RBMS3: variants seen among roughly 807,000 people sequenced by gnomAD.
RBMS3 encodes the protein RNA binding motif single stranded interacting protein 3.
A neutral mutation model predicts 66.8 loss-of-function variants in RBMS3; 27 were observed. That is an observed-to-expected ratio of 0.40 (90% CI 0.30 to 0.56). The LOEUF is 0.56. Ranked by LOEUF, RBMS3 falls within the 20% of genes least tolerant of loss-of-function variation. RBMS3 has a pLI of 0.40. For missense variants in RBMS3, 513 were observed against 549.5 expected (o/e 0.93, Z 0.66); for synonymous variants, 188 against 183.0 (o/e 1.03, Z -0.22).
At chr3:29,398,616 C>G (rs2039661169) in intron 1 of RBMS3, among the ~76,000 whole-genome samples, 1 of 152,170 alleles carries the variant, frequency 6.6e-6, no homozygotes, top group African/African-American at 2.4e-5. Flanking sequence ...AGAGTTCCAG[C>G]TAGAACACGT....
At chr3:29,519,319 T>G (rs911188264) in intron 3 of RBMS3, among the ~76,000 whole-genome samples, 1 of 152,076 alleles carries the variant, frequency 6.6e-6, no homozygotes, top group African/African-American at 2.4e-5. Context: ...ATTGAGGGAA[T>G]TCAAGAAGGG....
chr3:29,618,898 G>A (rs1486376197), intron 4 of RBMS3, among the ~76,000 whole-genome samples: 1 of 152,120 alleles, frequency 6.6e-6, no homozygotes, highest in East Asian at 1.9e-4. Context: ...ACTTAGAGAA[G>A]CATCTGCTGG....
chr3:29,819,913 G>A (rs1251498872), intron 6 of RBMS3, among the ~76,000 whole-genome samples: 1 of 152,046 alleles, frequency 6.6e-6, no homozygotes, highest in African/African-American at 2.4e-5. Flanking sequence ...CATTAAGTGA[G>A]GCCAGGTGCA....
intron 12 of RBMS3, among the ~76,000 whole-genome samples, chr3:29,953,245 A>C (rs1695800091): frequency 6.6e-6 from 1 of 151,908 alleles, no homozygotes; most frequent in African/African-American, 2.4e-5. Flanking sequence ...GTAGTTGGGA[A>C]GAAGAAAGAA....
intron 12 of RBMS3, among the ~76,000 whole-genome samples, chr3:29,951,769 T>C (rs1695695992): frequency 6.6e-6 from 1 of 151,614 alleles, no homozygotes; most frequent in South Asian, 2.1e-4. Flanking sequence ...TATATTATCT[T>C]TCTTATTGGC....
intron 4 of RBMS3, among the ~76,000 whole-genome samples, chr3:29,609,380 G>T (rs148883073): frequency 6.6e-6 from 1 of 151,882 alleles, no homozygotes; most frequent in Non-Finnish European, 1.5e-5. Context: ...GGTCCTGGGT[G>T]CCCTCTTATC....
At chr3:29,283,009 T>A (rs2031946963) in intron 1 of RBMS3, among the ~76,000 whole-genome samples, 1 of 152,152 alleles carries the variant, frequency 6.6e-6, no homozygotes, top group Non-Finnish European at 1.5e-5. Flanking sequence ...TGTGAGCATT[T>A]AGTTTGTGCT....
At chr3:29,932,246 GT>G in intron 10 of RBMS3, among the ~76,000 whole-genome samples, 1 of 152,204 alleles carries the variant, frequency 6.6e-6, no homozygotes, top group Non-Finnish European at 1.5e-5. Flanking sequence ...CCCTTTGAAT[GT>G]TTTTAACAAG....
At chr3:29,410,345 C>A (rs2125682703) in intron 1 of RBMS3, among the ~76,000 whole-genome samples, 1 of 152,276 alleles carries the variant, frequency 6.6e-6, no homozygotes, top group South Asian at 2.1e-4. Context: ...AAAGTATACC[C>A]TATATAAGGT....
At chr3:29,497,575 A>G (rs542024899) in intron 3 of RBMS3, among the ~76,000 whole-genome samples, 1 of 152,248 alleles carries the variant, frequency 6.6e-6, no homozygotes, top group South Asian at 2.1e-4. Flanking sequence ...TTGCTTCCAA[A>G]AGTCACCTTC....
At chr3:29,339,966 C>A (rs554888498) in intron 1 of RBMS3, among the ~76,000 whole-genome samples, 271 of 152,204 alleles carry the variant, frequency 1.8e-3, no homozygotes, top group Middle Eastern at 6.8e-3. Flanking sequence ...AAGGAGATGG[C>A]TGCCAAGGGA....
rs60639896 is a variant in RBMS3 at position 29,496,195 on chromosome 3, C to CAA, written c.307+7713_307+7714dup. On this transcript the variant is annotated intron_variant, in intron 3 of 14. Coordinates refer to ENST00000383767, the MANE Select transcript of RBMS3 (RefSeq NM_001003793.3). The stretch of plus-strand genomic sequence containing the variant: ...GGGATTAGGTATACCCCGCCCACAT[C>CAA]AAAAAAAAAAAAAAAAAAGAAAAAA... 1.9e-3 allele frequency among the ~76,000 whole-genome samples: 205 copies of CAA among 110,486 alleles called. 1 individual carries two copies. Among genetic ancestry groups the CAA allele is most frequent in the African/African-American group, 5.2e-3 (166 of 31,980 alleles). The allele number at this position is 110,486 out of a possible 152,430, so 72.5% of individuals were successfully genotyped here.
At chr3:29,606,716 G>A (rs1314054951) in intron 4 of RBMS3, among the ~76,000 whole-genome samples, 1 of 151,834 alleles carries the variant, frequency 6.6e-6, no homozygotes, top group Non-Finnish European at 1.5e-5. Flanking sequence ...AGCTGTTTCT[G>A]AGTTTTTCTG....
chr3:29,769,551 T>G (rs535161188), intron 6 of RBMS3, among the ~76,000 whole-genome samples: 1 of 152,076 alleles, frequency 6.6e-6, no homozygotes, highest in African/African-American at 2.4e-5. Context: ...ATACTTGCCT[T>G]GATTGCCTCT....
chr3:29,559,983 A>G (rs192013805), intron 3 of RBMS3, among the ~76,000 whole-genome samples: 1 of 152,322 alleles, frequency 6.6e-6, no homozygotes, highest in African/African-American at 2.4e-5. Context: ...ATGTCAGCCA[A>G]GTGTTAGTGC....
chr3:29,324,629 G>T (rs562381628), intron 1 of RBMS3, among the ~76,000 whole-genome samples: 2 of 146,504 alleles, frequency 1.4e-5, no homozygotes, highest in African/African-American at 5.5e-5. Flanking sequence ...GCATTGTAGA[G>T]CTCCAAGATG....
intron 7 of RBMS3, among the ~76,000 whole-genome samples, chr3:29,872,759 A>T (rs1405021407): frequency 6.6e-6 from 1 of 152,160 alleles, no homozygotes; most frequent in Non-Finnish European, 1.5e-5. Flanking sequence ...CTGGCACAGC[A>T]GGATTTTTAT....
chr3:29,384,631 T>G (rs989225237), intron 1 of RBMS3, among the ~76,000 whole-genome samples: 3 of 152,198 alleles, frequency 2.0e-5, no homozygotes, highest in African/African-American at 7.2e-5. Flanking sequence ...ATAATGATAA[T>G]TTGATGCCTT....
intron 4 of RBMS3, among the ~76,000 whole-genome samples, chr3:29,607,163 T>G (rs929742973): frequency 6.6e-6 from 1 of 152,006 alleles, no homozygotes; most frequent in African/African-American, 2.4e-5. Flanking sequence ...ATTACACATT[T>G]TAGATATTTA....
Sources: gnomAD v4.1 joint callset for allele counts (sites outside exome capture counted in the v4.1 genomes callset) on GRCh38, gnomAD v4.1.1 for gene constraint, MANE v1.5 for transcripts, NCBI Gene and HGNC (gene_info 2026-07-23, HGNC 2026-07-21) for gene names.